Variants in CRAMP1 observed in about 807,000 individuals in gnomAD.
CRAMP1 encodes the protein protein cramped-like.
Under a neutral mutation model 115.4 loss-of-function variants are expected in CRAMP1, and 50 were observed. The ratio of observed to expected loss-of-function variants is 0.43; its 90% CI spans 0.35 to 0.55. CRAMP1 has a LOEUF of 0.55. CRAMP1 is among the 20% of genes least tolerant of loss of function. The pLI is 0.01. For synonymous variants in CRAMP1, 866 were observed against 745.4 expected, an observed-to-expected ratio of 1.16 and a Z score of -2.64; for missense variants, 1,679 against 1,721.7, an observed-to-expected ratio of 0.98 and a Z score of 0.44.
chr16:1,635,227 T>A (rs2036578367), intron 4 of CRAMP1, among the ~76,000 whole-genome samples: 1 of 151,908 alleles, frequency 6.6e-6, no homozygotes, highest in Non-Finnish European at 1.5e-5. Flanking sequence ...GAGCACACCG[T>A]GTGCACTTTA....
chr16:1,649,582 T>A (rs1483455780), intron 6 of CRAMP1, among the ~76,000 whole-genome samples: 1 of 152,078 alleles, frequency 6.6e-6, no homozygotes, highest in African/African-American at 2.4e-5. Flanking sequence ...CTCCGCCTCC[T>A]GGGTTCACAC....
rs1472892674 is a variant in CRAMP1, at chr16:1,614,201, A to G, written c.-1-438A>G. On this transcript the variant is annotated intron_variant, in intron 1 of 20. Coordinates refer to ENST00000397412, the MANE Select transcript of CRAMP1 (RefSeq NM_020825.4). This position sits in a 1 kb window ranked among gnomAD's most constrained non-coding sequence, Gnocchi z 4.4. Reference sequence around the variant, plus strand: ...GGCGCAGGGAGCGAGGCCGGCGCGCAGGGCCAGGCCATGAGCCGCGGCCCC... The same window carrying G: ...GGCGCAGGGAGCGAGGCCGGCGCGCGGGGCCAGGCCATGAGCCGCGGCCCC... Among the ~76,000 whole-genome samples the G allele has an allele frequency of 1.4e-5, 2 of 145,798 alleles. No homozygotes were observed. Among genetic ancestry groups the G allele is most frequent in the Non-Finnish European group, 3.0e-5 (2 of 65,826 alleles).
intron 4 of CRAMP1, among the ~76,000 whole-genome samples, chr16:1,635,115 C>T (rs1246205885): frequency 6.6e-6 from 1 of 152,186 alleles, no homozygotes; most frequent in African/African-American, 2.4e-5. Flanking sequence ...CCAAGCTGGT[C>T]TTGAACTCCT....
intron 2 of CRAMP1, among the ~76,000 whole-genome samples, chr16:1,624,083 G>A (rs570412843): frequency 2.0e-4 from 30 of 152,124 alleles, no homozygotes; most frequent in African/African-American, 7.0e-4. Flanking sequence ...AACGATGGCC[G>A]CATGTGGACA....
chr16:1,660,688 A>T (rs185855973), intron 11 of CRAMP1, among the ~76,000 whole-genome samples: 1 of 152,324 alleles, frequency 6.6e-6, no homozygotes, highest in East Asian at 1.9e-4. Context: ...TCATGGTTAG[A>T]ATGGTGAATT....
intron 6 of CRAMP1, among the ~76,000 whole-genome samples, chr16:1,648,153 T>C (rs569505385): frequency 6.6e-6 from 1 of 152,218 alleles, no homozygotes; most frequent in Non-Finnish European, 1.5e-5. Flanking sequence ...AATAGCAGTT[T>C]AACGGAAAAT....
intron 9 of CRAMP1, 26 bp downstream of exon 9, chr16:1,655,326 C>G: frequency 6.3e-7 from 1 of 1,592,766 alleles, no homozygotes. Flanking sequence ...TAAAGCAAAC[C>G]ATCCAGGCTG....
chr16:1,662,564 C>T lies in CRAMP1; in HGVS notation c.2488C>T (p.Leu830Phe), dbSNP rs1352985988. The change falls in exon 12 of 21, where the codon CTT becomes TTT. Residue 830 changes from leucine to phenylalanine, a missense_variant. By Grantham distance (22) the Leu-to-Phe change is conservative. Transcript: ENST00000397412. ...STGSNDSDGGLFAVPTTLPPN... is the reference protein window; with the variant it reads ...STGSNDSDGGFFAVPTTLPPN... ...AGGAAGCAATGACTCAGATGGAGGC[C>T]TTTTTGCTGTCCCGACAACCTTGCC... 9.9e-6 allele frequency: 16 copies of T among 1,613,868 alleles called. No individual in the cohort carries two copies. The East Asian group carries it at 1.8e-4, about 18-fold the overall frequency.
intron 3 of CRAMP1, among the ~76,000 whole-genome samples, chr16:1,630,678 C>A (rs975429611): frequency 6.6e-6 from 1 of 152,212 alleles, no homozygotes; most frequent in African/African-American, 2.4e-5. Context: ...GCCCAAACTC[C>A]TCAGTCTCTT....
chr16:1,644,949 G>T (rs988569735), intron 6 of CRAMP1, among the ~76,000 whole-genome samples: 8 of 151,702 alleles, frequency 5.3e-5, no homozygotes, highest in African/African-American at 1.2e-4. Context: ...TGATCCTCCC[G>T]TCTTGGCCTC....
At chr16:1,617,636 C>T (rs1219910959) in intron 2 of CRAMP1, among the ~76,000 whole-genome samples, 2 of 152,084 alleles carry the variant, frequency 1.3e-5, no homozygotes, top group East Asian at 3.8e-4. Flanking sequence ...TACTTACTGC[C>T]CTGGCCAGTT....
chr16:1,658,166 T>C (rs534824905), intron 10 of CRAMP1, among the ~76,000 whole-genome samples: 12 of 152,200 alleles, frequency 7.9e-5, no homozygotes, highest in Middle Eastern at 3.4e-3. Flanking sequence ...ATGTGCAGAT[T>C]TGCCTGGGGA....
In CRAMP1 at chr16:1,675,037, G is replaced by A. The variant is rs1025725121; in HGVS notation, c.*992G>A. The A allele has an allele frequency of 2.0e-5, 3 of 152,222 alleles. No individual in the cohort carries two copies. Among genetic ancestry groups the A allele is most frequent in the Non-Finnish European group, 4.4e-5 (3 of 68,048 alleles). 9.4% of individuals were successfully genotyped at this position (152,222 alleles called of 1,614,324 possible). A position where few individuals can be genotyped will look rare whatever the true frequency, so the allele number is the denominator to read the frequency against. On this transcript the variant is annotated 3_prime_UTR_variant, in exon 21 of 21. Coordinates refer to ENST00000397412, the MANE Select transcript of CRAMP1 (RefSeq NM_020825.4). Reference sequence around the variant, plus strand: ...ATTGGTGTGGGCGTGCCTGACATACGTGTTCAGTCCCTTGCATACCTTTGC... The same window carrying A: ...ATTGGTGTGGGCGTGCCTGACATACATGTTCAGTCCCTTGCATACCTTTGC...
chr16:1,634,774 C>G (rs968431148), intron 4 of CRAMP1, among the ~76,000 whole-genome samples: 4 of 152,254 alleles, frequency 2.6e-5, no homozygotes, highest in African/African-American at 7.2e-5. Flanking sequence ...ACTTGCCCAA[C>G]AGGAGCATGA....
chr16:1,614,262 G>A lies in CRAMP1; in HGVS notation c.-1-377G>A, dbSNP rs1244141027. 6.8e-6 allele frequency among the ~76,000 whole-genome samples: 1 copy of A among 147,004 alleles called. No homozygotes were observed. Among genetic ancestry groups the A allele is most frequent in the East Asian group, 2.0e-4 (1 of 5,054 alleles). On this transcript the variant is annotated intron_variant, in intron 1 of 20. Transcript: ENST00000397412. The surrounding 1 kb of genome is among the most constrained non-coding windows in gnomAD (Gnocchi z 4.4). ...TGGCTGTGGGCGGGGCAGCGGCCCG[G>A]ACCCGCAACCGTGCCCAGACCCGCG...
chr16:1,618,271 A>G (rs530835403), intron 2 of CRAMP1, among the ~76,000 whole-genome samples: 1 of 152,112 alleles, frequency 6.6e-6, no homozygotes, highest in African/African-American at 2.4e-5. Context: ...AACAAGGGTG[A>G]GACTTAGTCT....
At chr16:1,638,728 C>T (rs1346959989) in intron 5 of CRAMP1, among the ~76,000 whole-genome samples, 4 of 152,182 alleles carry the variant, frequency 2.6e-5, no homozygotes, top group African/African-American at 9.7e-5. Context: ...CATGTCACAG[C>T]TCAGGGCGGG....
In CRAMP1 at chr16:1,659,966, G is replaced by A. The variant is rs750633115; in HGVS notation, c.2316G>A (p.Val772=). ...AGTCGATGACGCCCCCAGGGAAGGT[G>A]GTGACCGTCAGCTCTCGCAGCCCCC... The part of the protein sequence containing the change: ...EEQSMTPPGK[V]VTVSSRSPRC... The change falls in exon 11 of 21, where the codon GTG becomes GTA. Residue 772 remains valine, a synonymous_variant. Transcript: ENST00000397412. 1 of 1,610,040 alleles carries A rather than the reference G, an allele frequency of 6.2e-7. No individual in the cohort carries two copies. Among genetic ancestry groups the A allele is most frequent in the South Asian group, 1.1e-5 (1 of 91,084 alleles).
intron 3 of CRAMP1, among the ~76,000 whole-genome samples, chr16:1,627,809 A>G (rs1447034745): frequency 1.3e-5 from 2 of 151,858 alleles, no homozygotes; most frequent in Non-Finnish European, 2.9e-5. Context: ...CAAGCCCCAA[A>G]TCGTGCCTTT....
Sources: allele counts gnomAD v4.1 joint callset (sites outside exome capture counted in the v4.1 genomes callset), GRCh38; gene constraint gnomAD v4.1.1; non-coding constraint Gnocchi (gnomAD v3.1); transcripts MANE v1.5; gene names NCBI Gene and HGNC (gene_info 2026-07-23, HGNC 2026-07-21).